The following CEP83 variants were observed in gnomAD, a reference collection of about 807,000 sequenced individuals.
CEP83 encodes centrosomal protein of 83 kDa.
A neutral mutation model predicts 101.9 loss-of-function variants in CEP83; 70 were observed. The observed-to-expected ratio is 0.69, with a 90% CI of 0.57 to 0.84. The LOEUF (loss-of-function observed/expected upper bound fraction) is 0.84. CEP83 is among the 40% of genes least tolerant of loss of function. CEP83 has a pLI of 0.00. For missense variants in CEP83, 715 were observed against 787.2 expected, an observed-to-expected ratio of 0.91 and a Z score of 1.10; for synonymous variants, 264 against 267.9, an observed-to-expected ratio of 0.99 and a Z score of 0.14.
At chr12:94,432,915 A>G (rs2065748445) in intron 2 of CEP83, among the ~76,000 whole-genome samples, 1 of 152,246 alleles carries the variant, frequency 6.6e-6, no homozygotes, top group African/African-American at 2.4e-5. Flanking sequence ...AAAATATTAT[A>G]ACATATTTAC....
At chr12:94,349,734 A>T (rs920613410) in intron 11 of CEP83, among the ~76,000 whole-genome samples, 3 of 152,236 alleles carry the variant, frequency 2.0e-5, no homozygotes, top group African/African-American at 7.2e-5. Flanking sequence ...CACTTTTGCC[A>T]CTTCCATTTG....
At chr12:94,454,678 G>A (rs2067517228) in intron 1 of CEP83, among the ~76,000 whole-genome samples, 1 of 152,212 alleles carries the variant, frequency 6.6e-6, no homozygotes, top group Non-Finnish European at 1.5e-5. Context: ...TCTTGCTGCT[G>A]CTCACTCTTT....
Position 94,308,639 on chromosome 12 carries a change from T to C in CEP83, c.*174A>G. On this transcript the variant is annotated 3_prime_UTR_variant, in exon 17 of 17. Coordinates refer to ENST00000397809, the MANE Select transcript of CEP83 (RefSeq NM_016122.3). ...TTTCTCTTTTAATGCTTCACTTGTA[T>C]AATCTTAAAATCCTGACAGTCATAC... 1 of 432,284 alleles carries C rather than the reference T, an allele frequency of 2.3e-6. No homozygotes were observed. The highest frequency in any genetic ancestry group is 4.2e-6 in the Non-Finnish European group (1 of 240,684). The allele number at this position is 432,284 out of a possible 1,614,324, so 26.8% of individuals were successfully genotyped here.
chr12:94,344,343 AC>A (rs1309430492), intron 11 of CEP83, among the ~76,000 whole-genome samples: 1 of 152,202 alleles, frequency 6.6e-6, no homozygotes. Flanking sequence ...AAATACTCTT[AC>A]CAATAAGAAT....
intron 12 of CEP83, 62 bp from the exon 13 acceptor site, chr12:94,333,701 G>A (rs2059335794): frequency 1.3e-6 from 2 of 1,514,996 alleles, no homozygotes; most frequent in Non-Finnish European, 1.8e-6. Context: ...AGGTATGAGA[G>A]AAGCAGAAGA....
chr12:94,328,380 A>G lies in CEP83; in HGVS notation c.1707+3320T>C, dbSNP rs2059062739. 2.5e-5 allele frequency: 5 copies of G among 202,298 alleles called. No homozygotes were observed. The South Asian group carries it at 3.4e-4, about 14-fold the overall frequency. The allele number at this position is 202,298 out of a possible 1,614,324, so 12.5% of individuals were successfully genotyped here. On this transcript the variant is annotated intron_variant, in intron 14 of 16. Coordinates refer to ENST00000397809, the MANE Select transcript of CEP83 (RefSeq NM_016122.3). ...CTACTTAAAAACAGCAGAAATGACA[A>G]TCTCTGTGCTCAGGAGCTTGGAGCT...
chr12:94,293,043 T>G, the CEP83 span, among the ~76,000 whole-genome samples: 1 of 152,226 alleles, frequency 6.6e-6, no homozygotes. Flanking sequence ...TAGTTTTGAC[T>G]GTTTGGGCTT....
intron 2 of CEP83, among the ~76,000 whole-genome samples, chr12:94,428,034 G>T (rs2065340176): frequency 6.6e-6 from 1 of 152,230 alleles, no homozygotes; most frequent in South Asian, 2.1e-4. Flanking sequence ...AGAAAAGGAA[G>T]AAGATATGTA....
intron 6 of CEP83, among the ~76,000 whole-genome samples, chr12:94,383,562 A>G (rs1229781339): frequency 6.7e-6 from 1 of 149,888 alleles, no homozygotes; most frequent in African/African-American, 2.5e-5. Context: ...GGGGACTGTC[A>G]GTACAGTTAG....
At chr12:94,275,847 T>C in the CEP83 span, among the ~76,000 whole-genome samples, 2 of 105,904 alleles carry the variant, frequency 1.9e-5, 1 homozygote, top group Non-Finnish European at 3.6e-5. Flanking sequence ...AGAGCGAGAC[T>C]CCGTCTCAAA....
chr12:94,340,883 A>G (rs1334476436), intron 11 of CEP83, among the ~76,000 whole-genome samples: 1 of 152,242 alleles, frequency 6.6e-6, no homozygotes, highest in African/African-American at 2.4e-5. Context: ...GAGGAGGAAT[A>G]AAAGAAAAGG....
At chr12:94,384,102 A>G (rs1387815856) in intron 6 of CEP83, among the ~76,000 whole-genome samples, 4 of 152,024 alleles carry the variant, frequency 2.6e-5, no homozygotes, top group Non-Finnish European at 5.9e-5. Context: ...TTTTCTTCCT[A>G]TTTAGACAAA....
At chr12:94,441,735 A>G (rs1311872816) in intron 1 of CEP83, among the ~76,000 whole-genome samples, 1 of 152,052 alleles carries the variant, frequency 6.6e-6, no homozygotes, top group Non-Finnish European at 1.5e-5. Context: ...CTAACATGGT[A>G]AAACCCCGTC....
In CEP83 at chr12:94,308,307, T is replaced by C. The variant is rs766765664; in HGVS notation, c.*506A>G. 2.0e-5 allele frequency: 3 copies of C among 152,340 alleles called. No individual in the cohort carries two copies. The highest frequency in any genetic ancestry group is 2.9e-5 in the Non-Finnish European group (2 of 68,118). The allele number at this position is 152,340 out of a possible 1,614,324, so 9.4% of individuals were successfully genotyped here. A position where few individuals can be genotyped will look rare whatever the true frequency, so the allele number is the denominator to read the frequency against. The stretch of plus-strand genomic sequence containing the variant: ...AAAAAAAAATTAAGCTCTTTAATTA[T>C]GTGCACACAGATTTTAGAAAAGGTA... On this transcript the variant is annotated 3_prime_UTR_variant, in exon 17 of 17. Coordinates refer to ENST00000397809, the MANE Select transcript of CEP83 (RefSeq NM_016122.3).
chr12:94,432,221 ATT>A (rs879496382), intron 2 of CEP83, among the ~76,000 whole-genome samples: 3 of 142,558 alleles, frequency 2.1e-5, no homozygotes, highest in Non-Finnish European at 1.5e-5. Flanking sequence ...CGCCCAGCTA[ATT>A]TTTTTTTTTT....
chr12:94,382,054 C>A (rs1243354678), intron 6 of CEP83, among the ~76,000 whole-genome samples: 1 of 152,018 alleles, frequency 6.6e-6, no homozygotes, highest in African/African-American at 2.4e-5. Flanking sequence ...TAGGTCTATA[C>A]AAACTGCCAA....
intron 2 of CEP83, chr12:94,424,140 A>G: frequency 6.2e-7 from 1 of 1,603,560 alleles, no homozygotes; most frequent in East Asian, 2.2e-5. Flanking sequence ...GAGAGTGCAG[A>G]CCGAGCAAGC....
chr12:94,438,382 AG>A (rs1236670882), intron 1 of CEP83, among the ~76,000 whole-genome samples: 3 of 152,220 alleles, frequency 2.0e-5, no homozygotes, highest in Non-Finnish European at 4.4e-5. Flanking sequence ...ACCAAACGTG[AG>A]CAGGAACAGC....
intron 1 of CEP83, among the ~76,000 whole-genome samples, chr12:94,455,525 T>A (rs1277695901): frequency 6.6e-6 from 1 of 152,228 alleles, no homozygotes; most frequent in Non-Finnish European, 1.5e-5. Context: ...AACTCTTTGT[T>A]ATAAGCATTA....
Sources: gnomAD v4.1 joint callset for allele counts (sites outside exome capture counted in the v4.1 genomes callset) on GRCh38, gnomAD v4.1.1 for gene constraint, MANE v1.5 for transcripts, NCBI Gene and HGNC (gene_info 2026-07-23, HGNC 2026-07-21) for gene names.